Variants in CNBD1 observed in about 807,000 individuals in gnomAD.
CNBD1 encodes the protein cyclic nucleotide-binding domain-containing protein 1.
Under a neutral mutation model 54.4 loss-of-function variants are expected in CNBD1, and 71 were observed. The observed-to-expected ratio is 1.30, with a 90% confidence interval of 1.08 to 1.59. CNBD1 has a LOEUF of 1.59. Ranked by LOEUF, CNBD1 falls within the 40% of genes most tolerant of loss-of-function variation. The probability of loss-of-function intolerance (pLI) is 0.00; values close to 1 mark genes in which losing one functional copy is unlikely to be tolerated. For synonymous variants in CNBD1, 182 were observed against 170.7 expected, an observed-to-expected ratio of 1.07 and a Z score of -0.51; for missense variants, 659 against 518.0, an observed-to-expected ratio of 1.27 and a Z score of -2.64.
chr8:86,900,588 A>G (rs1045104171), intron 2 of CNBD1, among the ~76,000 whole-genome samples: 6 of 152,160 alleles, frequency 3.9e-5, no homozygotes, highest in Non-Finnish European at 8.8e-5. Context: ...TACTTGCCTA[A>G]TAGACTATAA....
chr8:87,096,343 CTTTTTTTTT>C (rs764461082), intron 4 of CNBD1, among the ~76,000 whole-genome samples: 1 of 117,170 alleles, frequency 8.5e-6, no homozygotes, highest in Admixed American at 8.9e-5. Flanking sequence ...TCTCTGGTGT[CTTTTTTTTT>C]TTTTTTTTTT....
At chr8:87,375,527 G>A (rs923185492) in intron 10 of CNBD1, among the ~76,000 whole-genome samples, 7 of 151,622 alleles carry the variant, frequency 4.6e-5, no homozygotes, top group African/African-American at 1.5e-4. Context: ...CGAAGCCATA[G>A]CATTCCTTAT....
intron 4 of CNBD1, among the ~76,000 whole-genome samples, chr8:86,950,882 C>G (rs367621720): frequency 1.3e-5 from 2 of 152,156 alleles, no homozygotes. Context: ...TTTTATGTGT[C>G]TAGGAGTGTG....
At chr8:87,167,079 T>C (rs943713397) in intron 4 of CNBD1, among the ~76,000 whole-genome samples, 1 of 152,030 alleles carries the variant, frequency 6.6e-6, no homozygotes, top group African/African-American at 2.4e-5. Context: ...AATATTAGGA[T>C]AAAGTAATAT....
intron 6 of CNBD1, among the ~76,000 whole-genome samples, chr8:87,282,076 T>C (rs1483558265): frequency 6.6e-6 from 1 of 151,798 alleles, no homozygotes; most frequent in African/African-American, 2.4e-5. Flanking sequence ...TTTGCCATTT[T>C]TGTAGGAAAT....
intron 8 of CNBD1, among the ~76,000 whole-genome samples, chr8:87,333,803 A>T (rs139541237): frequency 1.3e-5 from 2 of 152,122 alleles, no homozygotes; most frequent in African/African-American, 2.4e-5. Flanking sequence ...ACCAGTGTTT[A>T]TCAGGGATAT....
intron 10 of CNBD1, among the ~76,000 whole-genome samples, chr8:87,380,784 T>C (rs1249048571): frequency 6.6e-6 from 1 of 151,996 alleles, no homozygotes; most frequent in East Asian, 1.9e-4. Context: ...CTGTTGTAAA[T>C]GGGGTTGTTT....
At chr8:87,297,527 C>G (rs1342875733) in intron 8 of CNBD1, among the ~76,000 whole-genome samples, 1 of 152,174 alleles carries the variant, frequency 6.6e-6, no homozygotes, top group East Asian at 1.9e-4. Flanking sequence ...TAAAGATTAA[C>G]TATTATTTCT....
intron 2 of CNBD1, among the ~76,000 whole-genome samples, chr8:86,888,377 T>C (rs947787242): frequency 3.3e-5 from 5 of 152,192 alleles, no homozygotes; most frequent in Admixed American, 3.3e-4. Flanking sequence ...TTTTCCCCTG[T>C]GCATTGCTGC....
At chr8:86,934,760 A>G (rs1426024988) in intron 3 of CNBD1, among the ~76,000 whole-genome samples, 1 of 152,198 alleles carries the variant, frequency 6.6e-6, no homozygotes, top group Non-Finnish European at 1.5e-5. Context: ...TGGGTTAAAT[A>G]ACAATCCTGG....
chr8:87,125,283 A>G (rs1350604845), intron 4 of CNBD1, among the ~76,000 whole-genome samples: 2 of 151,798 alleles, frequency 1.3e-5, no homozygotes. Flanking sequence ...TAATAAAAAA[A>G]TCAATATTAA....
At chr8:87,154,053 A>G (rs755714936) in intron 4 of CNBD1, among the ~76,000 whole-genome samples, 3 of 152,156 alleles carry the variant, frequency 2.0e-5, no homozygotes, top group African/African-American at 4.8e-5. Flanking sequence ...CAGGCTTTGT[A>G]TGACCTGTTA....
chr8:86,948,227 T>G (rs965782518), intron 4 of CNBD1, among the ~76,000 whole-genome samples: 1 of 152,182 alleles, frequency 6.6e-6, no homozygotes, highest in African/African-American at 2.4e-5. Context: ...AATGTGGGAA[T>G]AGAGATATCT....
intron 10 of CNBD1, among the ~76,000 whole-genome samples, chr8:87,382,322 C>G (rs911163065): frequency 2.0e-5 from 3 of 151,682 alleles, no homozygotes; most frequent in Non-Finnish European, 4.4e-5. Flanking sequence ...TTTAAAATAT[C>G]AGCAAGAAAC....
chr8:87,227,096 G>C lies in CNBD1; in HGVS notation c.578-9823G>C, dbSNP rs189628614. Among the ~76,000 whole-genome samples, 1,085 of 152,082 alleles carry C rather than the reference G, an allele frequency of 7.1e-3. 23 individuals carry two copies. Among genetic ancestry groups the C allele is most frequent in the African/African-American group, 0.025 (1,042 of 41,458 alleles). ...TTTTTTGTTTTCCATTGGCTTGGTA[G>C]ATCTTCCTCCATCCTTTTATTTTGA... On this transcript the variant is annotated intron_variant, in intron 5 of 10. Coordinates refer to ENST00000518476, the MANE Select transcript of CNBD1 (RefSeq NM_173538.3).
chr8:86,918,343 T>C (rs1045020603), intron 3 of CNBD1, among the ~76,000 whole-genome samples: 3 of 151,782 alleles, frequency 2.0e-5, no homozygotes. Flanking sequence ...GAATATGTTA[T>C]TAGAACATGT....
At chr8:87,423,146 G>T (rs1178804087) in intron 2 of CNBD1, among the ~76,000 whole-genome samples, 3 of 152,158 alleles carry the variant, frequency 2.0e-5, no homozygotes, top group Non-Finnish European at 4.4e-5. Context: ...CTTTGCTGAA[G>T]TTGCTTATCA....
At chr8:87,400,377 C>T (rs1347814844) in intron 2 of CNBD1, among the ~76,000 whole-genome samples, 1 of 151,828 alleles carries the variant, frequency 6.6e-6, no homozygotes, top group Non-Finnish European at 1.5e-5. Flanking sequence ...GAATTGAATT[C>T]CTGAAAGACT....
intron 4 of CNBD1, among the ~76,000 whole-genome samples, chr8:87,086,207 T>C (rs998782732): frequency 6.6e-6 from 1 of 152,170 alleles, no homozygotes; most frequent in Non-Finnish European, 1.5e-5. Flanking sequence ...AGAAATTCAA[T>C]AATACTTTTT....
Sources: allele counts gnomAD v4.1 joint callset (sites outside exome capture counted in the v4.1 genomes callset), GRCh38; gene constraint gnomAD v4.1.1; transcripts MANE v1.5; gene names NCBI Gene and HGNC (gene_info 2026-07-23, HGNC 2026-07-21).